Variants in ADAM12 observed in about 807,000 individuals in gnomAD.
ADAM12 encodes the protein ADAM metallopeptidase domain 12.
In ADAM12, 70 loss-of-function variants were observed where a neutral mutation model predicts 106.4. The ratio of observed to expected loss-of-function variants is 0.66; its 90% CI spans 0.54 to 0.80. The LOEUF (loss-of-function observed/expected upper bound fraction) is 0.80, where lower values mean the gene tolerates loss of function less well. ADAM12 is among the 30% of genes least tolerant of loss of function. The pLI, the probability that ADAM12 is intolerant of heterozygous loss-of-function variation, is 0.00. For missense variants in ADAM12, 1,010 were observed against 1,171.9 expected, an observed-to-expected ratio of 0.86 and a Z score of 2.02; for synonymous variants, 420 against 433.5, an observed-to-expected ratio of 0.97 and a Z score of 0.39.
At chr10:126,211,133 C>T (rs554551008) in intron 3 of ADAM12, among the ~76,000 whole-genome samples, 1 of 152,122 alleles carries the variant, frequency 6.6e-6, no homozygotes, top group African/African-American at 2.4e-5. Flanking sequence ...CCATTTGCAA[C>T]CACAGGGTGT....
At chr10:126,276,825 C>A (rs2133749184) in intron 3 of ADAM12, among the ~76,000 whole-genome samples, 1 of 152,216 alleles carries the variant, frequency 6.6e-6, no homozygotes, top group South Asian at 2.1e-4. Context: ...TGAAAGGGAA[C>A]AAATTAAGTC....
In ADAM12 at chr10:126,043,353, T is replaced by C. The variant is rs924518294; in HGVS notation, c.1996-205A>G. On this transcript the variant is annotated intron_variant, in intron 17 of 22. Transcript: ENST00000448723. This position sits in a 1 kb window ranked among gnomAD's most constrained non-coding sequence, Gnocchi z 4.1. ...CCTGAGGCTGTGAAGATGCATCATCTGCCTATTAGTGGCTGTAAAGAGAGT... is the reference window on the plus strand; with the variant it reads ...CCTGAGGCTGTGAAGATGCATCATCCGCCTATTAGTGGCTGTAAAGAGAGT... Among the ~76,000 whole-genome samples the C allele has an allele frequency of 6.6e-6, 1 of 152,200 alleles. No individual in the cohort carries two copies. The highest frequency in any genetic ancestry group is 2.4e-5 in the African/African-American group (1 of 41,456).
intron 14 of ADAM12, among the ~76,000 whole-genome samples, chr10:126,051,462 C>T (rs1380018277): frequency 1.3e-5 from 2 of 151,280 alleles, no homozygotes; most frequent in Non-Finnish European, 2.9e-5. Context: ...CCCAGCCACC[C>T]GTCCATCCAT....
At chr10:126,281,369 G>A (rs1959573225) in intron 2 of ADAM12, among the ~76,000 whole-genome samples, 1 of 152,102 alleles carries the variant, frequency 6.6e-6, no homozygotes, top group South Asian at 2.1e-4. Context: ...TGGAAATCCT[G>A]ACAATTCTAT....
intron 3 of ADAM12, among the ~76,000 whole-genome samples, chr10:126,183,384 C>T (rs1957347758): frequency 6.6e-6 from 1 of 152,154 alleles, no homozygotes; most frequent in Non-Finnish European, 1.5e-5. Context: ...GGTTGGGGAC[C>T]ACTGCACTAG....
intron 21 of ADAM12, among the ~76,000 whole-genome samples, chr10:126,020,048 C>T (rs1220746854): frequency 1.6e-4 from 24 of 152,178 alleles, no homozygotes; most frequent in Admixed American, 1.6e-3. Context: ...TATGGGGCTT[C>T]TGGACTGCCC....
chr10:126,171,177 A>G (rs1957113222), intron 3 of ADAM12, among the ~76,000 whole-genome samples: 1 of 152,174 alleles, frequency 6.6e-6, no homozygotes. Flanking sequence ...AATTTTCCAT[A>G]AGCGCTTAAA....
intron 3 of ADAM12, among the ~76,000 whole-genome samples, chr10:126,262,429 C>T (rs998445073): frequency 6.6e-6 from 1 of 152,112 alleles, no homozygotes; most frequent in Non-Finnish European, 1.5e-5. Flanking sequence ...TGACAATGTC[C>T]TCTGCAAATC....
At chr10:126,263,802 T>G (rs1197942282) in intron 3 of ADAM12, among the ~76,000 whole-genome samples, 2 of 152,210 alleles carry the variant, frequency 1.3e-5, no homozygotes, top group Non-Finnish European at 2.9e-5. Context: ...GCAGCTGTCT[T>G]AAATAATTTT....
chr10:126,155,398 G>A, intron 3 of ADAM12, 93 bp from the exon 4 acceptor site: 1 of 1,146,562 alleles, frequency 8.7e-7, no homozygotes, highest in South Asian at 1.5e-5. Context: ...GCAAGATTGT[G>A]ACCTCCTTTT....
At chr10:126,245,920 T>C (rs1958620072) in intron 3 of ADAM12, among the ~76,000 whole-genome samples, 1 of 151,944 alleles carries the variant, frequency 6.6e-6, no homozygotes, top group Non-Finnish European at 1.5e-5. Flanking sequence ...GTGTGTACGG[T>C]TTGGCTGCAA....
At chr10:126,131,219 C>G (rs12248384) in intron 5 of ADAM12, among the ~76,000 whole-genome samples, 2 of 150,198 alleles carry the variant, frequency 1.3e-5, no homozygotes, top group Admixed American at 6.6e-5. Flanking sequence ...TTCCCTCAAC[C>G]TGGTCCAGGA....
chr10:126,133,182 T>C (rs1188154543), intron 5 of ADAM12, among the ~76,000 whole-genome samples: 1 of 152,186 alleles, frequency 6.6e-6, no homozygotes, highest in Admixed American at 6.5e-5. Flanking sequence ...CTCCCTCATG[T>C]ACCTCAGCTC....
chr10:126,114,386 C>T (rs1292315769), intron 6 of ADAM12, among the ~76,000 whole-genome samples: 1 of 152,186 alleles, frequency 6.6e-6, no homozygotes, highest in South Asian at 2.1e-4. Context: ...GGAATCCACA[C>T]CTGGAAAACT....
intron 14 of ADAM12, among the ~76,000 whole-genome samples, chr10:126,055,571 C>T (rs888448786): frequency 6.6e-6 from 1 of 152,046 alleles, no homozygotes; most frequent in Non-Finnish European, 1.5e-5. Context: ...AGCAACTTGC[C>T]GAAGATCACA....
Position 126,278,907 on chromosome 10 carries a change from T to G in ADAM12, c.260+8A>C, listed in dbSNP as rs1279254156. The G allele has an allele frequency of 6.3e-7, 1 of 1,597,890 alleles. No homozygotes were observed. ...CTCCTATCATGCAATAAACAAGAAT[T>G]AACTTACTCATTTCTTTCCAGATTT... On this transcript the variant is annotated splice_region_variant and intron_variant, in intron 3 of 22. Transcript: ENST00000448723.
At chr10:126,030,989 T>C (rs1953961965) in intron 21 of ADAM12, among the ~76,000 whole-genome samples, 1 of 152,208 alleles carries the variant, frequency 6.6e-6, no homozygotes, top group Non-Finnish European at 1.5e-5. Context: ...GACTTAGCTG[T>C]GCCTGGGATC....
intron 14 of ADAM12, among the ~76,000 whole-genome samples, chr10:126,057,596 C>T (rs896657019): frequency 6.6e-6 from 1 of 152,166 alleles, no homozygotes; most frequent in African/African-American, 2.4e-5. Context: ...GCCCCAAACT[C>T]CAATGTTAGG....
intron 1 of ADAM12, among the ~76,000 whole-genome samples, chr10:126,347,717 T>C (rs910110778): frequency 6.6e-6 from 1 of 152,240 alleles, no homozygotes; most frequent in African/African-American, 2.4e-5. Flanking sequence ...TTATTTTTAT[T>C]TCTTAATTTG....
Sources: gnomAD v4.1 joint callset for allele counts (sites outside exome capture counted in the v4.1 genomes callset) on GRCh38, gnomAD v4.1.1 for gene constraint, Gnocchi (gnomAD v3.1) non-coding constraint, MANE v1.5 for transcripts, NCBI Gene and HGNC (gene_info 2026-07-23, HGNC 2026-07-21) for gene names.